The following UNC13D variants were observed in gnomAD, a reference collection of about 807,000 sequenced individuals.
UNC13D encodes the protein unc-13 homolog D.
In UNC13D, 115 loss-of-function variants were observed where a neutral mutation model predicts 151.7. That is an observed-to-expected ratio of 0.76 (90% CI 0.65 to 0.88). UNC13D has a LOEUF of 0.88. Ranked by LOEUF, UNC13D falls within the 40% of genes least tolerant of loss-of-function variation. UNC13D has a pLI of 0.00. For missense variants in UNC13D, 1,369 were observed against 1,438.7 expected (o/e 0.95, Z 0.78); for synonymous variants, 588 against 612.2 (o/e 0.96, Z 0.58).
chr17:75,841,085 A>C (rs2064945451), intron 6 of UNC13D, 84 bp from the exon 7 acceptor site: 1 of 1,509,074 alleles, frequency 6.6e-7, no homozygotes, highest in African/African-American at 1.4e-5. Flanking sequence ...GCCCAGAGCC[A>C]TGGAGTTGTA....
In UNC13D at chr17:75,832,932, G is replaced by C. The variant is rs1338098590; in HGVS notation, c.2447+34C>G. ...GGGCCGTGGGAGGAGAGGGGGAGGT[G>C]GCGAGCGCGCCCAGGGCAGGGGCTG... On this transcript the variant is annotated intron_variant, in intron 25 of 31. Coordinates refer to ENST00000207549, the MANE Select transcript of UNC13D (RefSeq NM_199242.3). The surrounding 1 kb of genome is among the most constrained non-coding windows in gnomAD (Gnocchi z 4.3). 7.1e-6 allele frequency: 11 copies of C among 1,554,252 alleles called. No homozygotes were observed. Among genetic ancestry groups the C allele is most frequent in the Non-Finnish European group, 9.6e-6 (11 of 1,145,844 alleles).
intron 23 of UNC13D, 76 bp downstream of exon 23, chr17:75,834,249 T>C (rs1449974317): frequency 3.3e-5 from 52 of 1,583,074 alleles, no homozygotes; most frequent in Non-Finnish European, 1.7e-6. Context: ...GGGTTGGACC[T>C]TGGCCCAGGT....
intron 31 of UNC13D, 107 bp downstream of exon 31, chr17:75,828,680 G>T: frequency 7.8e-7 from 1 of 1,277,640 alleles, no homozygotes; most frequent in Non-Finnish European, 1.0e-6. Flanking sequence ...ACTGGCTCCC[G>T]TCTCCAGGGA....
At position 75,828,861 on chromosome 17, in the gene UNC13D, G is replaced by T; in HGVS notation, c.3077C>A (p.Pro1026His). Residue 1026 changes from proline to histidine, a missense_variant, in exon 31 of 32, where the codon CCC becomes CAC. Around this residue, in one of 3 missense-constraint regions of UNC13D, gnomAD observed 807 missense variants for 795.5 expected, o/e 1.01. Transcript: ENST00000207549. The stretch of plus-strand genomic sequence containing the variant: ...AGGCTCCTCAGAGCCACTCAGCCCG[G>T]GCACCTCACGCAGCGGCAGGAAGGC... ...GEAFLPLREV[P>H]GLSGSEEPGE... 6.3e-7 allele frequency: 1 copy of T among 1,597,040 alleles called. No homozygotes were observed. The highest frequency in any genetic ancestry group is 8.5e-7 in the Non-Finnish European group (1 of 1,174,388).
At position 75,827,304 on chromosome 17, in the gene UNC13D, G is replaced by GGCAC; in HGVS notation, c.*660_*661insGTGC. The GGCAC allele has an allele frequency of 1.6e-6, 1 of 625,888 alleles. No homozygotes were observed. The highest frequency in any genetic ancestry group is 2.4e-6 in the Non-Finnish European group (1 of 414,258). 38.8% of individuals were successfully genotyped at this position (625,888 alleles called of 1,614,324 possible). A position where few individuals can be genotyped will look rare whatever the true frequency, so the allele number is the denominator to read the frequency against. On this transcript the variant is annotated 3_prime_UTR_variant, in exon 32 of 32. Coordinates refer to ENST00000207549, the MANE Select transcript of UNC13D (RefSeq NM_199242.3). The stretch of plus-strand genomic sequence containing the variant: ...AGGTGGCAGGTGCTGTCCGGGGAGG[G>GGCAC]GGCGTGCGCAGCAGACACAGCAGCC...
chr17:75,831,688 C>A (rs1347959875), intron 25 of UNC13D: 2 of 352,002 alleles, frequency 5.7e-6, no homozygotes, highest in Non-Finnish European at 1.1e-5. Context: ...CCAGGCCGGG[C>A]GTGGTGGCTC....
At chr17:75,841,135 C>CTTTTTTTTTTTTTTTTTTTTTTTTTTTT (rs34691954) in intron 6 of UNC13D, 134 bp from the exon 7 acceptor site, 1 of 216,388 alleles carries the variant, frequency 4.6e-6, no homozygotes, top group Non-Finnish European at 8.0e-6. Flanking sequence ...AGCCGCATCC[C>CTTTTTTTTTTTTTTTTTTTTTTTTTTTT]TTTTTTTTTT....
intron 12 of UNC13D, 107 bp from the exon 13 acceptor site, chr17:75,837,025 T>A: frequency 2.0e-6 from 1 of 497,040 alleles, no homozygotes; most frequent in Non-Finnish European, 3.0e-6. Flanking sequence ...CAGTACAGGC[T>A]GAAAACTAGT....
chr17:75,840,795 A>C lies in UNC13D; in HGVS notation c.650T>G (p.Leu217Arg), dbSNP rs2064942594. Residue 217 changes from leucine (L) to arginine (R), a missense_variant, in exon 8 of 32, where the codon CTT becomes CGT. Physicochemically the swap from Leu to Arg is moderately radical, Grantham distance 102. Around this residue, in one of 3 missense-constraint regions of UNC13D, gnomAD observed 550 missense variants for 609.0 expected, o/e 0.90. Transcript: ENST00000207549. This position sits in a 1 kb window ranked among gnomAD's most constrained non-coding sequence, Gnocchi z 4.6. Reference protein sequence around the residue: ...LDTVESVRQKLGELTDLHGLR... With the variant: ...LDTVESVRQKRGELTDLHGLR... ...CCCATGCAGATCCGTGAGCTCCCCAAGCTTCTGTCGGACAGACTCCACAGT... is the reference window on the plus strand; with the variant it reads ...CCCATGCAGATCCGTGAGCTCCCCACGCTTCTGTCGGACAGACTCCACAGT... 1.2e-6 allele frequency: 2 copies of C among 1,613,904 alleles called. No individual in the cohort carries two copies. Among genetic ancestry groups the C allele is most frequent in the Admixed American group, 3.3e-5 (2 of 60,010 alleles).
chr17:75,834,173 G>A, intron 23 of UNC13D, 30 bp from the exon 24 acceptor site: 1 of 1,613,046 alleles, frequency 6.2e-7, no homozygotes, highest in Non-Finnish European at 8.5e-7. Context: ...GAAGGAGGGA[G>A]GTCAGGGCAT....
Position 75,840,267 on chromosome 17 carries a change from G to C in UNC13D, c.816C>G (p.Asp272Glu). 4 of 1,614,040 alleles carry C rather than the reference G, an allele frequency of 2.5e-6. No homozygotes were observed. The highest frequency in any genetic ancestry group is 1.7e-5 in the Admixed American group (1 of 60,032). ...PLEPRTETYP[D>E]RGQCHLQFQL... ...GGAACTGGAGGTGGCACTGGCCTCG[G>C]TCTGGGTAGGTCTCAGTGCGGGGTT... Residue 272 changes from aspartate (D) to glutamate (E), a missense_variant, in exon 10 of 32, where the codon GAC (aspartate) becomes GAG (glutamate). Around this residue, in one of 3 missense-constraint regions of UNC13D, gnomAD observed 550 missense variants for 609.0 expected, o/e 0.90. Transcript: ENST00000207549. This position sits in a 1 kb window ranked among gnomAD's most constrained non-coding sequence, Gnocchi z 4.6.
chr17:75,841,053 G>C (rs4789232), intron 6 of UNC13D, 52 bp from the exon 7 acceptor site: 1 of 1,600,206 alleles, frequency 6.2e-7, no homozygotes, highest in Admixed American at 1.7e-5. Flanking sequence ...GATGCCCCCA[G>C]ACGAAGCAGT....
At position 75,843,044 on chromosome 17, in the gene UNC13D, C is replaced by T. The variant is rs1355744886; in HGVS notation, c.291G>A (p.Gln97=). The T allele has an allele frequency of 5.3e-6, 8 of 1,515,378 alleles. No individual in the cohort carries two copies. The highest frequency in any genetic ancestry group is 3.5e-5 in the Admixed American group (2 of 56,598). 93.9% of individuals were successfully genotyped at this position (1,515,378 alleles called of 1,614,324 possible). A position where few individuals can be genotyped will look rare whatever the true frequency, so the allele number is the denominator to read the frequency against. The change falls in exon 4 of 32, where the codon CAG becomes CAA. Residue 97 remains glutamine, a synonymous_variant. Transcript: ENST00000207549. The part of the protein sequence containing the change: ...EAFHVEPEEH[Q]QTLQRVRELE... ...GCTCCCTGACCCGCTGCAGTGTCTG[C>T]TGGTGCTCCTCGGGCTCCACGTGGA...
In UNC13D at chr17:75,833,493, G is replaced by A. The variant is rs986982521; in HGVS notation, c.2368-448C>T. On this transcript the variant is annotated intron_variant, in intron 24 of 31. Coordinates refer to ENST00000207549, the MANE Select transcript of UNC13D (RefSeq NM_199242.3). This position sits in a 1 kb window ranked among gnomAD's most constrained non-coding sequence, Gnocchi z 4.0. ...TATCATTATCTAGCACACTGCATGT[G>A]TGTGCACGCGCATACACGCCTGTGC... Among the ~76,000 whole-genome samples the A allele has an allele frequency of 7.2e-5, 11 of 152,134 alleles. No homozygotes were observed. The highest frequency in any genetic ancestry group is 2.7e-4 in the African/African-American group (11 of 41,404).
intron 29 of UNC13D, 46 bp downstream of exon 29, chr17:75,830,316 G>A: frequency 2.5e-6 from 4 of 1,583,130 alleles, no homozygotes; most frequent in Non-Finnish European, 3.4e-6. Flanking sequence ...AGACAGGAGG[G>A]CCAGGACGGG....
chr17:75,844,318 T>C lies in UNC13D; in HGVS notation c.20A>G (p.His7Arg). 1 of 1,611,868 alleles carries C rather than the reference T, an allele frequency of 6.2e-7. No individual in the cohort carries two copies. The highest frequency in any genetic ancestry group is 8.5e-7 in the Non-Finnish European group (1 of 1,179,622). The part of the protein sequence containing the change: MATLLS[H>R]PQQRPPFLRQ... ...CAAGAAGGGAGGGCGCTGCTGCGGA[T>C]GGGAGAGGAGTGTCGCCATGGTGGC... The change falls in exon 1 of 32, where the codon CAT becomes CGT. Residue 7 changes from histidine (H) to arginine (R), a missense_variant. Coordinates refer to ENST00000207549, the MANE Select transcript of UNC13D (RefSeq NM_199242.3).
At position 75,840,585 on chromosome 17, in the gene UNC13D, G is replaced by C; in HGVS notation, c.684-9C>G. 6.2e-7 allele frequency: 1 copy of C among 1,613,968 alleles called. No individual in the cohort carries two copies. ...GGGCCTCTTTAAAGATCCTGCGTCA[G>C]GCAGGGTCCCATAAGGGGGACGCAG... On this transcript the variant is annotated splice_polypyrimidine_tract_variant and intron_variant, in intron 8 of 31. Coordinates refer to ENST00000207549, the MANE Select transcript of UNC13D (RefSeq NM_199242.3). The surrounding 1 kb of genome is among the most constrained non-coding windows in gnomAD (Gnocchi z 4.6).
chr17:75,828,132 G>GA, intron 31 of UNC13D, 46 bp from the exon 32 acceptor site: 1 of 1,554,952 alleles, frequency 6.4e-7, no homozygotes. Flanking sequence ...GGAGAGGGCA[G>GA]TGCCTGGTGG....
In UNC13D at chr17:75,839,957, T is replaced by C. The variant is rs1423175601; in HGVS notation, c.952-15A>G. 1.2e-6 allele frequency: 2 copies of C among 1,613,456 alleles called. No individual in the cohort carries two copies. Among genetic ancestry groups the C allele is most frequent in the Non-Finnish European group, 1.7e-6 (2 of 1,179,922 alleles). On this transcript the variant is annotated splice_polypyrimidine_tract_variant and intron_variant, in intron 11 of 31. Transcript: ENST00000207549. Reference sequence around the variant, plus strand: ...GTGCTTCCCGCCTGAGGGGAGCAGGTGGAGGAGTGTCAGGACCTGAAGGGC... The same window carrying C: ...GTGCTTCCCGCCTGAGGGGAGCAGGCGGAGGAGTGTCAGGACCTGAAGGGC...
Sources: allele counts gnomAD v4.1 joint callset (sites outside exome capture counted in the v4.1 genomes callset), GRCh38; gene constraint gnomAD v4.1.1; regional missense constraint gnomAD v4.1.1; non-coding constraint Gnocchi (gnomAD v3.1); transcripts MANE v1.5; gene names NCBI Gene and HGNC (gene_info 2026-07-23, HGNC 2026-07-21).